DPP6: variants seen among roughly 807,000 people sequenced by gnomAD.
DPP6 encodes A-type potassium channel modulatory protein DPP6.
A neutral mutation model predicts 122.6 loss-of-function variants in DPP6; 69 were observed. The ratio of observed to expected loss-of-function variants is 0.56; its 90% CI spans 0.46 to 0.69. The LOEUF is 0.69. Among genes scored for constraint, DPP6 ranks in the 30% least tolerant of loss-of-function variants. The pLI is 0.00. For synonymous variants in DPP6, 418 were observed against 433.1 expected (o/e 0.97, Z 0.43); for missense variants, 928 against 1,116.9 (o/e 0.83, Z 2.41).
chr7:154,484,443 T>C (rs1586418878), intron 3 of DPP6, among the ~76,000 whole-genome samples: 1 of 152,176 alleles, frequency 6.6e-6, no homozygotes, highest in East Asian at 1.9e-4. Flanking sequence ...TCTGAGCAAA[T>C]CGAAGCCTCC....
chr7:153,850,552 G>T, the DPP6 span, among the ~76,000 whole-genome samples: 3 of 152,256 alleles, frequency 2.0e-5, no homozygotes, highest in African/African-American at 7.2e-5. Context: ...AGGTATATTA[G>T]TCTGTTCTCA....
At chr7:154,512,618 CT>C (rs1826177247) in intron 3 of DPP6, among the ~76,000 whole-genome samples, 1 of 152,146 alleles carries the variant, frequency 6.6e-6, no homozygotes, top group African/African-American at 2.4e-5. Flanking sequence ...ACTATCAGAC[CT>C]TTTGTGCCCG....
At chr7:154,144,980 A>C (rs995632780) in intron 1 of DPP6, among the ~76,000 whole-genome samples, 3 of 151,884 alleles carry the variant, frequency 2.0e-5, no homozygotes, top group Non-Finnish European at 4.4e-5. Flanking sequence ...AGACTAATCC[A>C]CTTAGGCTGA....
the DPP6 span, among the ~76,000 whole-genome samples, chr7:153,876,988 A>G: frequency 6.6e-6 from 1 of 152,082 alleles, no homozygotes; most frequent in Non-Finnish European, 1.5e-5. Context: ...TCTGTAACTT[A>G]GAGTTGCTCT....
chr7:154,666,204 CATATACAT>C (rs1838152622), intron 6 of DPP6, among the ~76,000 whole-genome samples: 1 of 76,552 alleles, frequency 1.3e-5, no homozygotes, highest in South Asian at 3.4e-4. Flanking sequence ...TATATATACA[CATATACAT>C]ACATACATAC....
intron 5 of DPP6, among the ~76,000 whole-genome samples, chr7:154,604,833 T>A (rs1025281658): frequency 8.3e-6 from 1 of 120,278 alleles, no homozygotes; most frequent in African/African-American, 2.6e-5. Context: ...ACAATGACGG[T>A]TTTGTTTCTC....
chr7:154,062,729 G>A lies in DPP6; in HGVS notation c.243+9666G>A, dbSNP rs1399453889. Among the ~76,000 whole-genome samples the A allele has an allele frequency of 1.2e-4, 8 of 68,652 alleles. No individual in the cohort carries two copies. In the South Asian group the frequency reaches 2.0e-3, roughly 17 times the overall value. The allele number at this position is 68,652 out of a possible 152,430, so 45.0% of individuals were successfully genotyped here. A position where few individuals can be genotyped will look rare whatever the true frequency, so the allele number is the denominator to read the frequency against. ...TGGCTGTTGGTACCCCCATCGTAGGGGGGGGGAGGCACCCTCCGCGAGGCA... is the reference window on the plus strand; with the variant it reads ...TGGCTGTTGGTACCCCCATCGTAGGAGGGGGGAGGCACCCTCCGCGAGGCA... On this transcript the variant is annotated intron_variant, in intron 1 of 25. Coordinates refer to ENST00000377770, the MANE Select transcript of DPP6 (RefSeq NM_130797.4).
At chr7:154,074,043 G>GTATGTATCTATCTATC (rs1554453882) in intron 1 of DPP6, among the ~76,000 whole-genome samples, 5 of 148,396 alleles carry the variant, frequency 3.4e-5, no homozygotes, top group South Asian at 4.3e-4. Context: ...ATGTATGTAA[G>GTATGTATCTATCTATC]TATCTATCTA....
At chr7:154,242,904 G>A (rs1341334521) in intron 1 of DPP6, among the ~76,000 whole-genome samples, 2 of 152,338 alleles carry the variant, frequency 1.3e-5, no homozygotes, top group Middle Eastern at 6.8e-3. Context: ...TTATTGCTAT[G>A]CACCACCAGG....
intron 1 of DPP6, among the ~76,000 whole-genome samples, chr7:154,172,906 C>T (rs537180249): frequency 8.6e-4 from 131 of 152,276 alleles, no homozygotes; most frequent in African/African-American, 2.8e-3. Context: ...TGGCCCTCTC[C>T]CAGTCTTGAG....
intron 5 of DPP6, chr7:154,588,630 A>G (rs2130716279): frequency 6.6e-6 from 1 of 152,504 alleles, no homozygotes; most frequent in South Asian, 2.1e-4. Context: ...CTGGAAACCA[A>G]ATACCTATGG....
intron 1 of DPP6, among the ~76,000 whole-genome samples, chr7:154,151,006 A>G (rs890200943): frequency 5.3e-5 from 8 of 152,252 alleles, no homozygotes; most frequent in Admixed American, 2.0e-4. Context: ...CTTGTCTGCA[A>G]TGGGTCCAGA....
At chr7:154,431,510 C>A (rs1378736355) in intron 1 of DPP6, among the ~76,000 whole-genome samples, 2 of 44,526 alleles carry the variant, frequency 4.5e-5, no homozygotes, top group Admixed American at 2.7e-4. Context: ...TCTTTTCTTT[C>A]TTTTATTATT....
intron 1 of DPP6, among the ~76,000 whole-genome samples, chr7:153,989,739 G>T (rs2533614): frequency 6.8e-6 from 1 of 146,816 alleles, no homozygotes; most frequent in Non-Finnish European, 1.5e-5. Flanking sequence ...GGATGTGGAT[G>T]CCTGTGAGGT....
At chr7:154,607,420 G>A (rs1438487063) in intron 5 of DPP6, among the ~76,000 whole-genome samples, 1 of 116,210 alleles carries the variant, frequency 8.6e-6, no homozygotes, top group Non-Finnish European at 1.9e-5. Context: ...AATTAGCTGG[G>A]CATGGCGGCG....
chr7:154,837,234 G>A (rs183271797), intron 16 of DPP6, among the ~76,000 whole-genome samples: 3,846 of 147,126 alleles, frequency 0.026, 71 homozygotes, highest in African/African-American at 0.041. Context: ...ACACACACAC[G>A]CATGCATAAG....
At chr7:153,789,815 T>C in the DPP6 span, among the ~76,000 whole-genome samples, 1 of 152,136 alleles carries the variant, frequency 6.6e-6, no homozygotes. Context: ...GCAACTATCA[T>C]TAAGGATGTT....
chr7:154,229,429 A>G (rs1800789749), intron 1 of DPP6, among the ~76,000 whole-genome samples: 1 of 152,184 alleles, frequency 6.6e-6, no homozygotes, highest in African/African-American at 2.4e-5. Context: ...TGTTTATTCA[A>G]CTTTAATTTT....
intron 1 of DPP6, among the ~76,000 whole-genome samples, chr7:154,063,903 T>C (rs1168066742): frequency 6.6e-6 from 1 of 151,590 alleles, no homozygotes; most frequent in Non-Finnish European, 1.5e-5. Context: ...CAGGAGCTGA[T>C]ACTCCTGAGT....
Sources: allele counts gnomAD v4.1 joint callset (sites outside exome capture counted in the v4.1 genomes callset), GRCh38; gene constraint gnomAD v4.1.1; transcripts MANE v1.5; gene names NCBI Gene and HGNC (gene_info 2026-07-23, HGNC 2026-07-21).